Variants in LYZL4 observed in about 807,000 individuals in gnomAD.
LYZL4 encodes lysozyme like 4.
In LYZL4, 13 loss-of-function variants were observed where a neutral mutation model predicts 17.6. The observed-to-expected ratio is 0.74, with a 90% CI of 0.48 to 1.18. The LOEUF (loss-of-function observed/expected upper bound fraction) is 1.18. Among genes scored for constraint, LYZL4 ranks in the 50% most tolerant of loss-of-function variants. The pLI is 0.00. For missense variants in LYZL4, 174 were observed against 188.2 expected, an observed-to-expected ratio of 0.92 and a Z score of 0.44; for synonymous variants, 64 against 67.7, an observed-to-expected ratio of 0.95 and a Z score of 0.27.
the LYZL4 span, among the ~76,000 whole-genome samples, chr3:42,371,193 C>T: frequency 6.6e-6 from 1 of 152,208 alleles, no homozygotes; most frequent in African/African-American, 2.4e-5. Context: ...TGGATGGTGC[C>T]TATCTTTCTC....
At chr3:42,375,965 C>T in the LYZL4 span, among the ~76,000 whole-genome samples, 1 of 152,168 alleles carries the variant, frequency 6.6e-6, no homozygotes, top group Admixed American at 6.5e-5. Flanking sequence ...TGTGTATCGA[C>T]AGCACCTCAC....
the LYZL4 span, among the ~76,000 whole-genome samples, chr3:42,376,098 C>G: frequency 1.3e-5 from 2 of 152,126 alleles, no homozygotes; most frequent in African/African-American, 4.8e-5. Flanking sequence ...TAAAACAGAC[C>G]CCTCAAGGTT....
the LYZL4 span, among the ~76,000 whole-genome samples, chr3:42,388,443 C>T: frequency 6.6e-6 from 1 of 152,206 alleles, no homozygotes; most frequent in Non-Finnish European, 1.5e-5. Context: ...TCTGATGATT[C>T]AACCCAAGCT....
chr3:42,374,681 T>C, the LYZL4 span, among the ~76,000 whole-genome samples: 2 of 152,206 alleles, frequency 1.3e-5, no homozygotes, highest in African/African-American at 4.8e-5. Flanking sequence ...CACCTGTCCC[T>C]GCTGTATCCT....
At chr3:42,397,470 G>A (rs1212920865) in intron 4 of LYZL4, 136 bp from the exon 5 acceptor site, 9 of 617,736 alleles carry the variant, frequency 1.5e-5, no homozygotes, top group Admixed American at 1.4e-4. Context: ...CCGTGGGCAC[G>A]ATTCTGAAGG....
At chr3:42,396,634 A>C (rs1698552731), downstream of LYZL4, among the ~76,000 whole-genome samples, 1 of 152,242 alleles carries the variant, frequency 6.6e-6, no homozygotes, top group Admixed American at 6.5e-5. Flanking sequence ...CATAACAGCA[A>C]TTGTCTTTGA....
chr3:42,395,118 T>C (rs571442215), downstream of LYZL4, among the ~76,000 whole-genome samples: 2 of 152,200 alleles, frequency 1.3e-5, no homozygotes, highest in Non-Finnish European at 2.9e-5. Context: ...CACACAAAAC[T>C]GTTTGATTAA....
chr3:42,368,172 C>G, the LYZL4 span, among the ~76,000 whole-genome samples: 3 of 152,348 alleles, frequency 2.0e-5, no homozygotes, highest in East Asian at 5.8e-4. Context: ...GCATTCCAAA[C>G]TAGTTGCTGC....
chr3:42,406,650 C>T (rs2125603114), intron 3 of LYZL4, among the ~76,000 whole-genome samples, 196 bp downstream of exon 3: 1 of 152,178 alleles, frequency 6.6e-6, no homozygotes, highest in South Asian at 2.1e-4. Context: ...GTTAGCCTGC[C>T]TGACTCCCCA....
chr3:42,404,028 TA>T lies in LYZL4; in HGVS notation c.371+17del, dbSNP rs753004328. The T allele has an allele frequency of 1.0e-5, 16 of 1,564,556 alleles. No homozygotes were observed. Among genetic ancestry groups the T allele is most frequent in the African/African-American group, 1.4e-5 (1 of 73,724 alleles). On this transcript the variant is annotated intron_variant, in intron 4 of 4. Coordinates refer to ENST00000287748, the MANE Select transcript of LYZL4 (RefSeq NM_144634.4). ...GTGAAAGTCGTTAATACAGGCTACA[TA>T]AAAATGTAAGACTTACCATGCTCCC...
At chr3:42,388,551 G>A in the LYZL4 span, among the ~76,000 whole-genome samples, 1 of 152,188 alleles carries the variant, frequency 6.6e-6, no homozygotes, top group Non-Finnish European at 1.5e-5. Flanking sequence ...CCCTCAGAGA[G>A]TCATGAATGC....
chr3:42,390,662 C>T, the LYZL4 span, among the ~76,000 whole-genome samples: 2 of 152,084 alleles, frequency 1.3e-5, no homozygotes, highest in Non-Finnish European at 2.9e-5. Flanking sequence ...TATGTGCCTG[C>T]CCTGCTTGCA....
the LYZL4 span, among the ~76,000 whole-genome samples, chr3:42,385,088 T>C: frequency 1.3e-5 from 2 of 152,284 alleles, no homozygotes; most frequent in East Asian, 3.9e-4. Flanking sequence ...ACAAACTACA[T>C]TAACTTAAAT....
chr3:42,372,625 G>A, the LYZL4 span, among the ~76,000 whole-genome samples: 1 of 152,218 alleles, frequency 6.6e-6, no homozygotes, highest in Non-Finnish European at 1.5e-5. Context: ...AGCAAAGGGT[G>A]AGGAAGTTGA....
chr3:42,383,266 C>T, the LYZL4 span, among the ~76,000 whole-genome samples: 4 of 152,068 alleles, frequency 2.6e-5, no homozygotes, highest in African/African-American at 9.7e-5. Flanking sequence ...GGCAGCCAAG[C>T]CTATATACTC....
the LYZL4 span, among the ~76,000 whole-genome samples, chr3:42,376,028 C>T: frequency 6.6e-6 from 1 of 152,328 alleles, no homozygotes; most frequent in African/African-American, 2.4e-5. Flanking sequence ...CACCCAAATC[C>T]ACAATCCTCC....
At chr3:42,369,607 C>T in the LYZL4 span, among the ~76,000 whole-genome samples, 1 of 152,300 alleles carries the variant, frequency 6.6e-6, no homozygotes, top group African/African-American at 2.4e-5. Flanking sequence ...CCCAGAGGAA[C>T]CCCAGGCTCT....
chr3:42,403,282 T>C (rs1400617833), intron 4 of LYZL4, among the ~76,000 whole-genome samples: 1 of 151,542 alleles, frequency 6.6e-6, no homozygotes, highest in Non-Finnish European at 1.5e-5. Flanking sequence ...TTTTTTGAGA[T>C]GGAGTCTCAC....
At chr3:42,407,411 T>C in intron 1 of LYZL4, 68 bp from the exon 2 acceptor site, 1 of 860,638 alleles carries the variant, frequency 1.2e-6, no homozygotes. Flanking sequence ...TGGTAAGCCA[T>C]GACACTTCTT....
Sources: gnomAD v4.1 joint callset for allele counts (sites outside exome capture counted in the v4.1 genomes callset) on GRCh38, gnomAD v4.1.1 for gene constraint, MANE v1.5 for transcripts, NCBI Gene and HGNC (gene_info 2026-07-23, HGNC 2026-07-21) for gene names.